Variants in ARHGAP6 observed in about 807,000 individuals in gnomAD.
ARHGAP6 encodes the protein Rho GTPase activating protein 6, also known as rho GTPase-activating protein 6.
A neutral mutation model predicts 55.7 loss-of-function variants in ARHGAP6; 16 were observed. The observed-to-expected ratio is 0.29, with a 90% CI of 0.19 to 0.44. The LOEUF is 0.44. Ranked by LOEUF, ARHGAP6 falls within the 20% of genes least tolerant of loss-of-function variation. The pLI, the probability that ARHGAP6 is intolerant of heterozygous loss-of-function variation, is 1.00. For missense variants in ARHGAP6, 698 were observed against 808.9 expected, an observed-to-expected ratio of 0.86 and a Z score of 1.66; for synonymous variants, 382 against 360.9, an observed-to-expected ratio of 1.06 and a Z score of -0.66.
At chrX:11,393,524 C>T (rs2147741634) in intron 1 of ARHGAP6, among the ~76,000 whole-genome samples, 1 of 111,853 alleles carries the variant, frequency 8.9e-6, no homozygotes, top group South Asian at 3.7e-4. Flanking sequence ...TGTTGTGATA[C>T]ACTAGCAAAT....
At chrX:11,382,264 G>C (rs1221829569) in intron 1 of ARHGAP6, among the ~76,000 whole-genome samples, 1 of 111,427 alleles carries the variant, frequency 9.0e-6, no homozygotes, top group African/African-American at 3.3e-5. Flanking sequence ...TTTAAAGTTA[G>C]AGGAAGTTTG....
intron 1 of ARHGAP6, among the ~76,000 whole-genome samples, chrX:11,554,685 G>A (rs1294167886): frequency 5.4e-5 from 6 of 111,777 alleles, no homozygotes; most frequent in African/African-American, 2.0e-4. Context: ...ATATTCTCTG[G>A]TTTTTACAGT....
chrX:11,432,112 T>A (rs747771929), intron 1 of ARHGAP6, among the ~76,000 whole-genome samples: 1 of 112,695 alleles, frequency 8.9e-6, no homozygotes, highest in East Asian at 2.8e-4. Context: ...CACCCCTGGT[T>A]GAAATCCACT....
At chrX:11,604,651 C>T (rs2052013356) in intron 1 of ARHGAP6, among the ~76,000 whole-genome samples, 1 of 112,148 alleles carries the variant, frequency 8.9e-6, no homozygotes, top group Admixed American at 9.4e-5. Context: ...ATTAGGTTCT[C>T]TAGAAAAAGA....
At position 11,162,413 on chromosome X, in the gene ARHGAP6, C is replaced by T. The variant is rs950311455; in HGVS notation, c.1810-5787G>A. On this transcript the variant is annotated intron_variant, in intron 9 of 12. Coordinates refer to ENST00000337414, the MANE Select transcript of ARHGAP6 (RefSeq NM_013427.3). Reference sequence around the variant, plus strand: ...TTGCAGTTGATTATTGTTCTCCTTGCCAGTCAAATGTTTCCTAAATGATGT... The same window carrying T: ...TTGCAGTTGATTATTGTTCTCCTTGTCAGTCAAATGTTTCCTAAATGATGT... 2.9e-5 allele frequency among the ~76,000 whole-genome samples: 3 copies of T among 103,110 alleles called. No individual in the cohort carries two copies. In the Admixed American group the frequency reaches 3.2e-4, roughly 11 times the overall value. The allele number at this position is 103,110 out of a possible 115,157, so 89.5% of individuals were successfully genotyped here.
intron 2 of ARHGAP6, among the ~76,000 whole-genome samples, chrX:11,231,972 T>A (rs888051537): frequency 8.9e-6 from 1 of 112,213 alleles, no homozygotes; most frequent in African/African-American, 3.2e-5. Flanking sequence ...ATGATTTTTA[T>A]TGATATATAA....
chrX:11,637,287 A>G (rs902110952), intron 1 of ARHGAP6, among the ~76,000 whole-genome samples: 2 of 111,085 alleles, frequency 1.8e-5, no homozygotes, highest in Non-Finnish European at 3.8e-5. Flanking sequence ...GCAGACCTCA[A>G]ACATAAGAGA....
At chrX:11,250,850 GATGTGGAT>G (rs1325623124) in intron 2 of ARHGAP6, among the ~76,000 whole-genome samples, 1 of 111,437 alleles carries the variant, frequency 9.0e-6, no homozygotes, top group Non-Finnish European at 1.9e-5. Flanking sequence ...AAGTTCCAGG[GATGTGGAT>G]GTGGCCATCA....
chrX:11,320,217 A>G (rs755320457), intron 1 of ARHGAP6, among the ~76,000 whole-genome samples: 12 of 111,950 alleles, frequency 1.1e-4, no homozygotes, highest in Non-Finnish European at 1.9e-4. Context: ...ATAGGAACAC[A>G]GTTCCTCAGA....
At chrX:11,500,311 C>CG (rs2050663355) in intron 1 of ARHGAP6, among the ~76,000 whole-genome samples, 1 of 106,526 alleles carries the variant, frequency 9.4e-6, no homozygotes, top group East Asian at 3.1e-4. Flanking sequence ...AATAAAATAC[C>CG]CTTTTCCAAA....
At chrX:11,163,773 G>A (rs1422912644) in intron 9 of ARHGAP6, among the ~76,000 whole-genome samples, 2 of 112,061 alleles carry the variant, frequency 1.8e-5, no homozygotes, top group African/African-American at 3.2e-5. Flanking sequence ...TCAAGTGCTT[G>A]ATACATGTCA....
At chrX:11,568,652 G>C (rs1237121404) in intron 1 of ARHGAP6, among the ~76,000 whole-genome samples, 1 of 109,466 alleles carries the variant, frequency 9.1e-6, no homozygotes, top group Non-Finnish European at 1.9e-5. Flanking sequence ...AGCTACTCGG[G>C]AGGCCAAGAC....
intron 1 of ARHGAP6, among the ~76,000 whole-genome samples, chrX:11,342,773 A>C (rs1161882961): frequency 1.2e-4 from 13 of 112,501 alleles, no homozygotes; most frequent in Non-Finnish European, 2.4e-4. Flanking sequence ...GGATTTTTAA[A>C]TAGTTTTATT....
chrX:11,379,920 G>T (rs1489580086), intron 1 of ARHGAP6, among the ~76,000 whole-genome samples: 1 of 111,187 alleles, frequency 9.0e-6, no homozygotes, highest in African/African-American at 3.3e-5. Context: ...AAACACAGAT[G>T]TTTTATCTGA....
chrX:11,589,564 C>T (rs761237203), intron 1 of ARHGAP6, among the ~76,000 whole-genome samples: 12 of 109,100 alleles, frequency 1.1e-4, no homozygotes, highest in Non-Finnish European at 2.3e-4. Context: ...AGAAGGATTT[C>T]GGCAAGCTCT....
chrX:11,218,175 G>A (rs1249761569), intron 2 of ARHGAP6, among the ~76,000 whole-genome samples: 15 of 111,625 alleles, frequency 1.3e-4, no homozygotes, highest in Non-Finnish European at 3.8e-5. Flanking sequence ...TTTTTGCTTA[G>A]GATTATCTTG....
chrX:11,314,552 CA>C (rs1569297401), intron 1 of ARHGAP6, among the ~76,000 whole-genome samples: 1 of 112,353 alleles, frequency 8.9e-6, no homozygotes, highest in Non-Finnish European at 1.9e-5. Flanking sequence ...TAATGTCCCA[CA>C]AAAAGGGAAA....
At chrX:11,174,659 CT>C (rs1187298459) in intron 8 of ARHGAP6, among the ~76,000 whole-genome samples, 139 of 75,553 alleles carry the variant, frequency 1.8e-3, no homozygotes, top group African/African-American at 7.2e-3. Context: ...TTCTTTCTTT[CT>C]TTCTTTCTTT....
intron 1 of ARHGAP6, chrX:11,298,770 G>A (rs773277711): frequency 2.6e-5 from 31 of 1,207,927 alleles, no homozygotes; most frequent in Admixed American, 8.8e-5. Flanking sequence ...CCCTCCGCCC[G>A]CCCAGCAGCC....
Sources: gnomAD v4.1 joint callset for allele counts (sites outside exome capture counted in the v4.1 genomes callset) on GRCh38, gnomAD v4.1.1 for gene constraint, MANE v1.5 for transcripts, NCBI Gene and HGNC (gene_info 2026-07-23, HGNC 2026-07-21) for gene names.